The following SPP2 variants were observed in gnomAD, a reference collection of about 807,000 sequenced individuals.
SPP2 encodes secreted phosphoprotein 24.
SPP2 carries 34 observed loss-of-function variants against 28.8 expected under a neutral mutation model. The observed-to-expected ratio is 1.18, with a 90% confidence interval of 0.90 to 1.57. The LOEUF is 1.57. SPP2 is among the 40% of genes most tolerant of loss of function. SPP2 has a pLI of 0.00. For missense variants in SPP2, 269 were observed against 263.9 expected (o/e 1.02, Z -0.13); for synonymous variants, 96 against 89.4 (o/e 1.07, Z -0.42).
chr2:234,050,908 C>T, intron 1 of SPP2, 37 bp downstream of exon 1: 3 of 1,613,874 alleles, frequency 1.9e-6, no homozygotes, highest in Non-Finnish European at 2.5e-6. Flanking sequence ...TGCTCTGGAT[C>T]ATGCAGAGCC....
rs566173026 is a variant in SPP2 at position 234,060,246 on chromosome 2, C to T, written c.334-123C>T. On this transcript the variant is annotated intron_variant, in intron 3 of 7. Transcript: ENST00000168148. Reference sequence around the variant, plus strand: ...ATTTTCATTTTGAAAAAATAAAATGCCTCTGTGAAGTTTTTCTTTGTCATT... The same window carrying T: ...ATTTTCATTTTGAAAAAATAAAATGTCTCTGTGAAGTTTTTCTTTGTCATT... 161 of 661,554 alleles carry T rather than the reference C, an allele frequency of 2.4e-4. No homozygotes were observed. In the South Asian group the frequency reaches 2.8e-3, roughly 11 times the overall value. The allele number at this position is 661,554 out of a possible 1,614,324, so 41.0% of individuals were successfully genotyped here.
intron 1 of SPP2, 31 bp downstream of exon 1, chr2:234,050,902 C>T (rs564051424): frequency 6.2e-7 from 1 of 1,614,044 alleles, no homozygotes; most frequent in South Asian, 1.1e-5. Context: ...GCCACCTGCT[C>T]TGGATCATGC....
At chr2:234,051,319 T>G (rs1693493466) in intron 2 of SPP2, among the ~76,000 whole-genome samples, 1 of 152,242 alleles carries the variant, frequency 6.6e-6, no homozygotes, top group Non-Finnish European at 1.5e-5. Flanking sequence ...TGCTGTATTC[T>G]CCTCTCTAAC....
At position 234,050,720 on chromosome 2, in the gene SPP2, C is replaced by A; in HGVS notation, c.-67C>A. On this transcript the variant is annotated 5_prime_UTR_variant, in exon 1 of 8. Transcript: ENST00000168148. ...AGCAGCCAGTGTTTGATAAAGACAG[C>A]TCCTCTTAGGAAGAACTGTCATCCC... is the stretch of plus-strand genomic sequence containing the variant. The A allele has an allele frequency of 2.9e-6, 4 of 1,363,606 alleles. No individual in the cohort carries two copies. The highest frequency in any genetic ancestry group is 2.4e-5 in the South Asian group (2 of 83,272). 84.5% of individuals were successfully genotyped at this position (1,363,606 alleles called of 1,614,324 possible). A position where few individuals can be genotyped will look rare whatever the true frequency, so the allele number is the denominator to read the frequency against.
chr2:234,066,692 C>A, intron 5 of SPP2, 105 bp downstream of exon 5: 1 of 863,516 alleles, frequency 1.2e-6, no homozygotes, highest in Non-Finnish European at 1.8e-6. Context: ...TGTATGTAAT[C>A]TTGCAACAAT....
At chr2:234,056,127 G>C (rs1164383473) in intron 2 of SPP2, 1 of 152,044 alleles carries the variant, frequency 6.6e-6, no homozygotes, top group African/African-American at 2.4e-5. Flanking sequence ...AGAGTGAACA[G>C]GCAACCTACA....
intron 4 of SPP2, among the ~76,000 whole-genome samples, chr2:234,064,815 T>C (rs1693786800): frequency 6.6e-6 from 1 of 152,234 alleles, no homozygotes; most frequent in African/African-American, 2.4e-5. Flanking sequence ...ACAGCCTGTA[T>C]TCTTTTGTGA....
Position 234,059,379 on chromosome 2 carries a change from C to T in SPP2, c.333+421C>T, listed in dbSNP as rs190022840. On this transcript the variant is annotated intron_variant, in intron 3 of 7. Coordinates refer to ENST00000168148, the MANE Select transcript of SPP2 (RefSeq NM_006944.3). The stretch of plus-strand genomic sequence containing the variant: ...TCTGTCTTCCCCACTAGTTCAGGCT[C>T]AGTGAGATCAGGAACATGGCATGTT... Among the ~76,000 whole-genome samples, 211 of 152,248 alleles carry T rather than the reference C, an allele frequency of 1.4e-3. 1 individual carries two copies. Among genetic ancestry groups the T allele is most frequent in the Middle Eastern group, 6.8e-3 (2 of 294 alleles).
chr2:234,050,721 T>A lies in SPP2; in HGVS notation c.-66T>A. 1 of 1,392,010 alleles carries A rather than the reference T, an allele frequency of 7.2e-7. No homozygotes were observed. Among genetic ancestry groups the A allele is most frequent in the Non-Finnish European group, 1.0e-6 (1 of 982,732 alleles). 86.2% of individuals were successfully genotyped at this position (1,392,010 alleles called of 1,614,324 possible). ...GCAGCCAGTGTTTGATAAAGACAGC[T>A]CCTCTTAGGAAGAACTGTCATCCCC... On this transcript the variant is annotated 5_prime_UTR_variant, in exon 1 of 8. Transcript: ENST00000168148.
At position 234,069,996 on chromosome 2, in the gene SPP2, A is replaced by C. The variant is rs1374538194; in HGVS notation, c.619A>C (p.Asn207His). The C allele has an allele frequency of 6.2e-7, 1 of 1,613,506 alleles. No homozygotes were observed. The highest frequency in any genetic ancestry group is 1.7e-5 in the Admixed American group (1 of 60,008). ...YPNHRHRARI[N>H]TDFE ...AAACCACCGGCACAGAGCAAGAATAAATACTGACTTTGAGTAACGGCCTTG... is the reference window on the plus strand; with the variant it reads ...AAACCACCGGCACAGAGCAAGAATACATACTGACTTTGAGTAACGGCCTTG... Residue 207 changes from asparagine to histidine, a missense_variant, in exon 7 of 8, where the codon AAT becomes CAT. Physicochemically the swap from Asn to His is moderately conservative, Grantham distance 68. Coordinates refer to ENST00000168148, the MANE Select transcript of SPP2 (RefSeq NM_006944.3).
chr2:234,057,102 G>A (rs1037830427), intron 2 of SPP2, among the ~76,000 whole-genome samples: 1 of 152,116 alleles, frequency 6.6e-6, no homozygotes, highest in African/African-American at 2.4e-5. Flanking sequence ...GGTGTTGTCA[G>A]GTACTGGACC....
At chr2:234,061,818 T>C (rs1693724992) in intron 4 of SPP2, among the ~76,000 whole-genome samples, 1 of 152,202 alleles carries the variant, frequency 6.6e-6, no homozygotes, top group African/African-American at 2.4e-5. Context: ...GAGCACGGCC[T>C]TATTGATTGA....
intron 4 of SPP2, among the ~76,000 whole-genome samples, chr2:234,063,917 C>A (rs777914318): frequency 4.6e-5 from 7 of 152,110 alleles, no homozygotes; most frequent in Non-Finnish European, 8.8e-5. Flanking sequence ...GGGTGACGGG[C>A]ATTTAATTTA....
intron 6 of SPP2, among the ~76,000 whole-genome samples, chr2:234,067,730 TTG>T (rs1693852811): frequency 7.7e-6 from 1 of 130,616 alleles, no homozygotes. Context: ...TGAGCCGAGA[TTG>T]CGCCACTGCA....
At chr2:234,054,374 A>T (rs1021329293) in intron 2 of SPP2, among the ~76,000 whole-genome samples, 7 of 152,174 alleles carry the variant, frequency 4.6e-5, no homozygotes, top group Non-Finnish European at 8.8e-5. Flanking sequence ...TTTGCAAAAC[A>T]TCTCTGCTTA....
intron 6 of SPP2, among the ~76,000 whole-genome samples, chr2:234,067,841 A>G (rs560398045): frequency 1.3e-5 from 2 of 150,480 alleles, no homozygotes; most frequent in Non-Finnish European, 3.0e-5. Flanking sequence ...AATCTGGCTC[A>G]GGAAATAAGC....
intron 6 of SPP2, among the ~76,000 whole-genome samples, chr2:234,068,068 G>T (rs1693862986): frequency 6.6e-6 from 1 of 152,100 alleles, no homozygotes; most frequent in African/African-American, 2.4e-5. Context: ...CCAAATGGAT[G>T]AAACAAAGTT....
chr2:234,071,880 C>A (rs1004486592), intron 7 of SPP2, among the ~76,000 whole-genome samples: 2 of 152,204 alleles, frequency 1.3e-5, no homozygotes, highest in Non-Finnish European at 2.9e-5. Flanking sequence ...TACGTTGACA[C>A]CACAAACCAC....
Position 234,060,496 on chromosome 2 carries a change from G to T in SPP2, c.444+17G>T. ...AGCGAAGAGGTATGACTGGGGCCTT[G>T]TCTCCTCCCAGACCGCACCTCTTAG... On this transcript the variant is annotated intron_variant, in intron 4 of 7. Coordinates refer to ENST00000168148, the MANE Select transcript of SPP2 (RefSeq NM_006944.3). 6.3e-7 allele frequency: 1 copy of T among 1,598,690 alleles called. No individual in the cohort carries two copies. The highest frequency in any genetic ancestry group is 1.1e-5 in the South Asian group (1 of 90,536).
Sources: gnomAD v4.1 joint callset for allele counts (sites outside exome capture counted in the v4.1 genomes callset) on GRCh38, gnomAD v4.1.1 for gene constraint, MANE v1.5 for transcripts, NCBI Gene and HGNC (gene_info 2026-07-23, HGNC 2026-07-21) for gene names.